LRP1B: variants seen among roughly 807,000 people sequenced by gnomAD.
LRP1B encodes the protein low-density lipoprotein receptor-related protein 1B.
LRP1B carries 217 observed loss-of-function variants against 556.6 expected under a neutral mutation model. The ratio of observed to expected loss-of-function variants is 0.39; its 90% CI spans 0.35 to 0.44. LRP1B has a LOEUF of 0.44. Among genes scored for constraint, LRP1B ranks in the 20% least tolerant of loss-of-function variants. The pLI is 1.00. For missense variants in LRP1B, 5,053 were observed against 5,620.8 expected (o/e 0.90, Z 3.23); for synonymous variants, 2,047 against 1,865.8 (o/e 1.10, Z -2.50).
chr2:141,851,722 G>A (rs563743962), intron 1 of LRP1B, among the ~76,000 whole-genome samples: 4 of 151,774 alleles, frequency 2.6e-5, no homozygotes, highest in East Asian at 3.9e-4. Context: ...TTAAGTCCCC[G>A]AGAGTAATAA....
chr2:141,209,559 T>C (rs1682452942), intron 6 of LRP1B, among the ~76,000 whole-genome samples: 1 of 152,216 alleles, frequency 6.6e-6, no homozygotes, highest in Non-Finnish European at 1.5e-5. Flanking sequence ...GAAGGAATTC[T>C]CACAATTTTC....
At chr2:141,624,031 T>A (rs112554252) in intron 2 of LRP1B, among the ~76,000 whole-genome samples, 60 of 12,164 alleles carry the variant, frequency 4.9e-3, no homozygotes, top group Non-Finnish European at 5.8e-3. Context: ...AAAAAAAAAA[T>A]TAAACAAAAA....
At chr2:141,398,891 C>G (rs1307771804) in intron 3 of LRP1B, among the ~76,000 whole-genome samples, 3 of 152,158 alleles carry the variant, frequency 2.0e-5, no homozygotes, top group Non-Finnish European at 4.4e-5. Context: ...GACACTAAGC[C>G]AGTTCCAGCT....
chr2:140,914,436 A>G (rs1184881917), intron 21 of LRP1B, among the ~76,000 whole-genome samples: 1 of 152,184 alleles, frequency 6.6e-6, no homozygotes, highest in Non-Finnish European at 1.5e-5. Context: ...GAAATGATAT[A>G]TTCTTACTCC....
intron 18 of LRP1B, among the ~76,000 whole-genome samples, chr2:140,968,122 T>C (rs1168304921): frequency 1.3e-5 from 2 of 151,340 alleles, no homozygotes; most frequent in East Asian, 3.9e-4. Flanking sequence ...CTCCTCCTTG[T>C]AACTCTGGTA....
In LRP1B at chr2:141,614,080, C is replaced by CAGAAAAAAAAAAAAAA. The variant is rs1553543025; in HGVS notation, c.206-133548_206-133547insTTTTTTTTTTTTTTCT. Reference sequence around the variant, plus strand: ...GGGCGATAAGAGCAAAACTCAGCCTCAAAAAAAAAAAAAAAAAAAAAGAAA... The same window carrying CAGAAAAAAAAAAAAAA: ...GGGCGATAAGAGCAAAACTCAGCCTCAGAAAAAAAAAAAAAAAAAAAAAAAAAAAAAAAAAAAGAAA... On this transcript the variant is annotated intron_variant, in intron 2 of 90. Coordinates refer to ENST00000389484, the MANE Select transcript of LRP1B (RefSeq NM_018557.3). Among the ~76,000 whole-genome samples, 277 of 47,308 alleles carry CAGAAAAAAAAAAAAAA rather than the reference C, an allele frequency of 5.9e-3. 11 individuals are homozygous for CAGAAAAAAAAAAAAAA. Among genetic ancestry groups the CAGAAAAAAAAAAAAAA allele is most frequent in the East Asian group, 0.013 (20 of 1,582 alleles). The allele number at this position is 47,308 out of a possible 152,430, so 31.0% of individuals were successfully genotyped here. A position where few individuals can be genotyped will look rare whatever the true frequency, so the allele number is the denominator to read the frequency against.
At chr2:141,495,660 C>T (rs1308349366) in intron 2 of LRP1B, among the ~76,000 whole-genome samples, 1 of 152,060 alleles carries the variant, frequency 6.6e-6, no homozygotes, top group African/African-American at 2.4e-5. Flanking sequence ...ACCTTTACTA[C>T]ATGGAATCTG....
intron 3 of LRP1B, among the ~76,000 whole-genome samples, chr2:141,327,896 G>GAA (rs10643288): frequency 0.024 from 3,603 of 151,810 alleles, 133 homozygotes; most frequent in African/African-American, 0.08. Context: ...GAGAGAGAGA[G>GAA]AGAGACAGAC....
At chr2:141,406,291 T>C (rs1373318743) in intron 3 of LRP1B, among the ~76,000 whole-genome samples, 1 of 152,088 alleles carries the variant, frequency 6.6e-6, no homozygotes, top group Non-Finnish European at 1.5e-5. Context: ...AATGATAATA[T>C]GGAGTATAAA....
At chr2:140,312,066 G>C (rs909445303) in intron 83 of LRP1B, among the ~76,000 whole-genome samples, 1 of 151,616 alleles carries the variant, frequency 6.6e-6, no homozygotes, top group Non-Finnish European at 1.5e-5. Flanking sequence ...TTTACTTCCG[G>C]GGGAAAAAAA....
At chr2:140,358,717 C>G (rs772960148) in intron 73 of LRP1B, 104 bp downstream of exon 73, 26 of 1,215,326 alleles carry the variant, frequency 2.1e-5, no homozygotes, top group Admixed American at 3.8e-5. Flanking sequence ...AAATAATGCC[C>G]TCAGATGTCC....
chr2:140,291,456 C>T (rs1683385888), intron 84 of LRP1B, among the ~76,000 whole-genome samples: 1 of 151,350 alleles, frequency 6.6e-6, no homozygotes, highest in African/African-American at 2.4e-5. Flanking sequence ...GCTATCCCTC[C>T]TCACTCCCCC....
chr2:141,574,526 A>G (rs1686664479), intron 2 of LRP1B, among the ~76,000 whole-genome samples: 1 of 152,130 alleles, frequency 6.6e-6, no homozygotes, highest in African/African-American at 2.4e-5. Flanking sequence ...AGCTGGAAGC[A>G]TTGCCTTTGA....
intron 7 of LRP1B, chr2:141,167,353 G>T (rs1002310825): frequency 6.6e-6 from 1 of 151,736 alleles, no homozygotes; most frequent in South Asian, 2.1e-4. Context: ...GGCTGAAGTG[G>T]CAATTAACAT....
At chr2:141,478,271 GTA>G (rs1185998121) in intron 3 of LRP1B, among the ~76,000 whole-genome samples, 2 of 152,108 alleles carry the variant, frequency 1.3e-5, no homozygotes, top group African/African-American at 2.4e-5. Context: ...TGGCACAGAA[GTA>G]TGTTTATGAT....
chr2:140,733,288 A>G (rs1440430787), intron 35 of LRP1B, among the ~76,000 whole-genome samples: 2 of 152,144 alleles, frequency 1.3e-5, no homozygotes, highest in African/African-American at 4.8e-5. Flanking sequence ...ATCCTATAAT[A>G]TATGTCCTAT....
intron 1 of LRP1B, among the ~76,000 whole-genome samples, chr2:141,917,574 T>C (rs145091588): frequency 6.6e-6 from 1 of 152,328 alleles, no homozygotes; most frequent in Non-Finnish European, 1.5e-5. Context: ...AGTCTTTAGT[T>C]CCAGTTAAAC....
At chr2:141,572,980 A>G (rs1201295762) in intron 2 of LRP1B, among the ~76,000 whole-genome samples, 1 of 151,984 alleles carries the variant, frequency 6.6e-6, no homozygotes. Context: ...ACAAAGAGAC[A>G]TAGACCACAA....
At position 140,526,241 on chromosome 2, in the gene LRP1B, G is replaced by C. The variant is rs374945026; in HGVS notation, c.7872C>G (p.Asn2624Lys). 12 of 1,610,986 alleles carry C rather than the reference G, an allele frequency of 7.4e-6. No individual in the cohort carries two copies. Among genetic ancestry groups the C allele is most frequent in the Non-Finnish European group, 1.0e-5 (12 of 1,177,856 alleles). Residue 2624 changes from asparagine to lysine, a missense_variant, in exon 48 of 91, where the codon AAC becomes AAG. Around this residue, in one of 5 missense-constraint regions of LRP1B, gnomAD observed 3,619 missense variants for 3,931.9 expected, o/e 0.92. Transcript: ENST00000389484. ...AAAGGTAGTGGAATATCTTACTGCA[G>C]TTCTTTTCATCTGAAGCATCTGCAC... is the stretch of plus-strand genomic sequence containing the variant. The part of the protein sequence containing the change: ...IDCADASDEK[N>K]CNNTDCTHFY...
Sources: allele counts gnomAD v4.1 joint callset (sites outside exome capture counted in the v4.1 genomes callset), GRCh38; gene constraint gnomAD v4.1.1; regional missense constraint gnomAD v4.1.1; transcripts MANE v1.5; gene names NCBI Gene and HGNC (gene_info 2026-07-23, HGNC 2026-07-21).